Variants in DLGAP1 observed in about 807,000 individuals in gnomAD.
The protein encoded by DLGAP1 is disks large-associated protein 1.
A neutral mutation model predicts 90.8 loss-of-function variants in DLGAP1; 11 were observed. The observed-to-expected ratio is 0.12, with a 90% confidence interval of 0.08 to 0.20. The LOEUF is 0.20. Among genes scored for constraint, DLGAP1 ranks in the 10% least tolerant of loss-of-function variants. The pLI is 1.00. For synonymous variants in DLGAP1, 558 were observed against 540.7 expected (o/e 1.03, Z -0.44); for missense variants, 1,050 against 1,333.8 (o/e 0.79, Z 3.31).
chr18:3,809,500 A>C (rs992337873), intron 5 of DLGAP1, among the ~76,000 whole-genome samples: 1 of 152,212 alleles, frequency 6.6e-6, no homozygotes, highest in Non-Finnish European at 1.5e-5. Context: ...TTTAGAACTG[A>C]AAATAAATCT....
intron 1 of DLGAP1, among the ~76,000 whole-genome samples, chr18:4,164,565 A>C (rs1432838978): frequency 6.6e-6 from 1 of 152,138 alleles, no homozygotes; most frequent in Non-Finnish European, 1.5e-5. Context: ...CTGTAATCCC[A>C]GCTACTTGGG....
intron 7 of DLGAP1, among the ~76,000 whole-genome samples, chr18:3,701,877 C>T (rs746739867): frequency 4.6e-5 from 7 of 151,922 alleles, no homozygotes; most frequent in South Asian, 2.1e-4. Context: ...TGAGAAGAGT[C>T]GTAGGAGGGG....
At chr18:4,313,113 T>C (rs1449905152) in intron 1 of DLGAP1, among the ~76,000 whole-genome samples, 4 of 152,252 alleles carry the variant, frequency 2.6e-5, no homozygotes, top group Admixed American at 2.6e-4. Context: ...AACAAATGTT[T>C]ACTGCTTGCA....
intron 2 of DLGAP1, among the ~76,000 whole-genome samples, chr18:4,021,107 C>T (rs1433437709): frequency 2.0e-5 from 3 of 152,136 alleles, no homozygotes; most frequent in Admixed American, 6.6e-5. Context: ...TTAAAAACTC[C>T]GATCCCCAAG....
At chr18:3,520,236 CT>C (rs1440423882) in intron 10 of DLGAP1, among the ~76,000 whole-genome samples, 1 of 152,108 alleles carries the variant, frequency 6.6e-6, no homozygotes, top group Non-Finnish European at 1.5e-5. Flanking sequence ...GATTCTCTCC[CT>C]GCTACCCTGA....
intron 1 of DLGAP1, among the ~76,000 whole-genome samples, chr18:4,307,874 C>T (rs571653488): frequency 1.3e-5 from 2 of 152,230 alleles, no homozygotes; most frequent in African/African-American, 4.8e-5. Flanking sequence ...CGCCACCACG[C>T]CTGGCCAATT....
chr18:3,747,299 T>C (rs2063311513), intron 5 of DLGAP1, among the ~76,000 whole-genome samples: 1 of 152,230 alleles, frequency 6.6e-6, no homozygotes, highest in African/African-American at 2.4e-5. Context: ...ATATTTTCCA[T>C]GTGTTACGTG....
At chr18:4,243,485 G>A (rs891733014) in intron 1 of DLGAP1, among the ~76,000 whole-genome samples, 1 of 152,018 alleles carries the variant, frequency 6.6e-6, no homozygotes, top group Non-Finnish European at 1.5e-5. Context: ...TCATCCCCTT[G>A]GCAAGAAGTA....
At chr18:3,918,759 T>C (rs1428154815) in intron 3 of DLGAP1, among the ~76,000 whole-genome samples, 4 of 152,204 alleles carry the variant, frequency 2.6e-5, no homozygotes, top group East Asian at 1.9e-4. Flanking sequence ...AATGTGACGA[T>C]AGACCATAGA....
chr18:4,378,220 G>T lies in DLGAP1; in HGVS notation c.-267+76786C>A, dbSNP rs1264288372. Reference sequence around the variant, plus strand: ...AAGACTACTGAATGGGGGAGGTGTGGAATGGGGAAGCCAGGAAAGAGGTAA... The same window carrying T: ...AAGACTACTGAATGGGGGAGGTGTGTAATGGGGAAGCCAGGAAAGAGGTAA... On this transcript the variant is annotated intron_variant, in intron 1 of 12. Transcript: ENST00000315677. The surrounding 1 kb of genome is among the most constrained non-coding windows in gnomAD (Gnocchi z 4.5). 6.6e-6 allele frequency among the ~76,000 whole-genome samples: 1 copy of T among 151,324 alleles called. No homozygotes were observed. The highest frequency in any genetic ancestry group is 1.5e-5 in the Non-Finnish European group (1 of 67,810).
intron 1 of DLGAP1, among the ~76,000 whole-genome samples, chr18:4,218,174 T>G (rs2077997612): frequency 6.6e-6 from 1 of 151,748 alleles, no homozygotes; most frequent in African/African-American, 2.4e-5. Context: ...TTCACTGAAC[T>G]GCCTTTGCTT....
chr18:4,051,544 C>T (rs930461076), intron 2 of DLGAP1, among the ~76,000 whole-genome samples: 1 of 152,194 alleles, frequency 6.6e-6, no homozygotes, highest in African/African-American at 2.4e-5. Context: ...AATTACTTCC[C>T]ACTGGGTCCC....
chr18:3,879,769 G>T lies in DLGAP1; in HGVS notation c.300C>A (p.Pro100=), dbSNP rs753737303. 12 of 1,607,680 alleles carry T rather than the reference G, an allele frequency of 7.5e-6. No homozygotes were observed. In the East Asian group the frequency reaches 2.5e-4, roughly 33 times the overall value. ...RTLATKANRI[P]ANLLDQFERQ... ...GCTCGAACTGGTCCAGCAGGTTGGC[G>T]GGGATGCGGTTCGCCTTGGTGGCCA... Residue 100 remains proline, a synonymous_variant, in exon 4 of 13, where the codon CCC becomes CCA. Transcript: ENST00000315677. This position sits in a 1 kb window ranked among gnomAD's most constrained non-coding sequence, Gnocchi z 6.6.
intron 2 of DLGAP1, among the ~76,000 whole-genome samples, chr18:4,092,830 G>A (rs2075791021): frequency 6.6e-6 from 1 of 152,102 alleles, no homozygotes; most frequent in Non-Finnish European, 1.5e-5. Context: ...CCTGTGACTG[G>A]GTAGGAGTTC....
At chr18:4,008,460 G>C (rs918246451) in intron 2 of DLGAP1, among the ~76,000 whole-genome samples, 1 of 152,068 alleles carries the variant, frequency 6.6e-6, no homozygotes, top group African/African-American at 2.4e-5. Context: ...CTTAGCAAAG[G>C]CTCTGTACAG....
intron 1 of DLGAP1, among the ~76,000 whole-genome samples, chr18:4,350,434 C>T (rs996568775): frequency 6.6e-6 from 1 of 152,146 alleles, no homozygotes; most frequent in African/African-American, 2.4e-5. Context: ...CAAAGCAATG[C>T]ATTTCAATTT....
intron 1 of DLGAP1, among the ~76,000 whole-genome samples, chr18:4,153,586 C>T (rs2076708841): frequency 6.6e-6 from 1 of 152,016 alleles, no homozygotes; most frequent in South Asian, 2.1e-4. Flanking sequence ...TGAGAAAGAA[C>T]AAGAGTAAAA....
chr18:4,433,086 C>G (rs1375633096), intron 1 of DLGAP1, among the ~76,000 whole-genome samples: 1 of 152,160 alleles, frequency 6.6e-6, no homozygotes, highest in Non-Finnish European at 1.5e-5. Flanking sequence ...TTTCCCCATA[C>G]AGTTCAAGCC....
intron 7 of DLGAP1, among the ~76,000 whole-genome samples, chr18:3,720,367 T>C (rs1256783477): frequency 6.6e-6 from 1 of 152,228 alleles, no homozygotes; most frequent in Non-Finnish European, 1.5e-5. Flanking sequence ...AAAATGTTGA[T>C]AGTTACATGA....
Sources: gnomAD v4.1 joint callset for allele counts (sites outside exome capture counted in the v4.1 genomes callset) on GRCh38, gnomAD v4.1.1 for gene constraint, Gnocchi (gnomAD v3.1) non-coding constraint, MANE v1.5 for transcripts, NCBI Gene and HGNC (gene_info 2026-07-23, HGNC 2026-07-21) for gene names.